The following HADH variants were observed in gnomAD, a reference collection of about 807,000 sequenced individuals.
HADH encodes hydroxyacyl-CoA dehydrogenase.
A neutral mutation model predicts 32.2 loss-of-function variants in HADH; 24 were observed. The ratio of observed to expected loss-of-function variants is 0.75; its 90% CI spans 0.54 to 1.05. The LOEUF (loss-of-function observed/expected upper bound fraction) is 1.05. Among genes scored for constraint, HADH ranks in the 50% least tolerant of loss-of-function variants. The pLI is 0.00. For synonymous variants in HADH, 139 were observed against 152.5 expected, an observed-to-expected ratio of 0.91 and a Z score of 0.65; for missense variants, 350 against 397.1, an observed-to-expected ratio of 0.88 and a Z score of 1.01.
At chr4:108,029,097 G>A in intron 6 of HADH, 1 of 388,792 alleles carries the variant, frequency 2.6e-6, no homozygotes. Flanking sequence ...GTTGCTGGGT[G>A]TCCTGCCTGG....
At chr4:108,004,524 G>A (rs1393836766) in intron 1 of HADH, 4 of 643,260 alleles carry the variant, frequency 6.2e-6, no homozygotes, top group African/African-American at 3.7e-5. Flanking sequence ...GAGAAACTTA[G>A]CACTTCTTGT....
At chr4:108,014,338 C>T (rs1735615747) in intron 2 of HADH, 93 bp from the exon 3 acceptor site, 1 of 1,398,656 alleles carries the variant, frequency 7.1e-7, no homozygotes. Context: ...GTGCTCTGAA[C>T]ACCCAGTTTG....
chr4:108,019,814 G>A, intron 4 of HADH, 148 bp downstream of exon 4: 3 of 854,992 alleles, frequency 3.5e-6, no homozygotes, highest in Non-Finnish European at 5.9e-6. Context: ...ATATCTAGGA[G>A]GGCTTCTATG....
At chr4:107,997,945 G>A (rs1735004957) in intron 1 of HADH, among the ~76,000 whole-genome samples, 1 of 152,152 alleles carries the variant, frequency 6.6e-6, no homozygotes, top group African/African-American at 2.4e-5. Context: ...TTGTTTCTCT[G>A]TAGTTATTTT....
intron 1 of HADH, among the ~76,000 whole-genome samples, chr4:108,000,154 A>G (rs925370539): frequency 3.9e-5 from 6 of 152,238 alleles, no homozygotes; most frequent in Admixed American, 1.3e-4. Context: ...TCTCCGTACT[A>G]TCTTGATTTC....
chr4:108,034,221 C>T lies in HADH; in HGVS notation c.827-18C>T, dbSNP rs369367048. 23 of 1,481,046 alleles carry T rather than the reference C, an allele frequency of 1.6e-5. No individual in the cohort carries two copies. Among genetic ancestry groups the T allele is most frequent in the Non-Finnish European group, 2.0e-5 (21 of 1,058,860 alleles). The allele number at this position is 1,481,046 out of a possible 1,614,324, so 91.7% of individuals were successfully genotyped here. A position where few individuals can be genotyped will look rare whatever the true frequency, so the allele number is the denominator to read the frequency against. On this transcript the variant is annotated intron_variant, in intron 7 of 7. Transcript: ENST00000309522. ...AACCCAGCACTTCATCCTGAGTTCTCTTCCCTCCGCTCAATAGGGTGGCAT... is the reference window on the plus strand; with the variant it reads ...AACCCAGCACTTCATCCTGAGTTCTTTTCCCTCCGCTCAATAGGGTGGCAT...
intron 6 of HADH, chr4:108,032,345 A>G (rs1736298803): frequency 6.2e-7 from 1 of 1,601,994 alleles, no homozygotes; most frequent in East Asian, 2.2e-5. Context: ...ACGTGTGGTG[A>G]TTCTAACTCG....
chr4:108,032,260 GGGCCAAA>G, intron 6 of HADH: 2 of 1,001,706 alleles, frequency 2.0e-6, no homozygotes, highest in Admixed American at 3.5e-5. Context: ...AGGCCTCTTG[GGGCCAAA>G]GGACATAGTA....
intron 1 of HADH, among the ~76,000 whole-genome samples, chr4:108,008,178 G>T (rs567512395): frequency 1.3e-5 from 2 of 152,196 alleles, no homozygotes; most frequent in Non-Finnish European, 2.9e-5. Context: ...GTTTTACTTT[G>T]CTGCCTGCCC....
intron 2 of HADH, among the ~76,000 whole-genome samples, chr4:108,013,034 G>A (rs140648935): frequency 9.3e-4 from 141 of 152,300 alleles, no homozygotes; most frequent in African/African-American, 3.3e-3. Context: ...CCGGGTTCAC[G>A]CCATTCTCCT....
rs748074306 is a variant in HADH, at chr4:108,033,187, A to G, written c.721A>G (p.Lys241Glu). The change falls in exon 7 of 8, where the codon AAA becomes GAA. Residue 241 changes from lysine (K) to glutamate (E), a missense_variant. Physicochemically the swap from Lys to Glu is moderately conservative, Grantham distance 56. Transcript: ENST00000309522. ...CGTTTTCTCCTTAGGTGACGCATCC[A>G]AAGAAGACATTGACACTGCTATGAA... Reference protein sequence around the residue: ...IRLYERGDASKEDIDTAMKLG... With the variant: ...IRLYERGDASEEDIDTAMKLG... 8 of 1,587,906 alleles carry G rather than the reference A, an allele frequency of 5.0e-6. No homozygotes were observed. Among genetic ancestry groups the G allele is most frequent in the Non-Finnish European group, 6.1e-6 (7 of 1,156,080 alleles).
At chr4:108,008,536 T>C (rs1735365366) in intron 1 of HADH, among the ~76,000 whole-genome samples, 1 of 152,234 alleles carries the variant, frequency 6.6e-6, no homozygotes, top group Admixed American at 6.5e-5. Flanking sequence ...TTTCTGTTTC[T>C]TTTACTCATT....
intron 2 of HADH, among the ~76,000 whole-genome samples, chr4:108,010,997 C>T (rs62311427): frequency 0.044 from 6,687 of 151,992 alleles, 161 homozygotes; most frequent in Non-Finnish European, 0.063. Flanking sequence ...TACAGGCGCA[C>T]GCCACCACGT....
chr4:107,993,747 T>A (rs1734879295), intron 1 of HADH, among the ~76,000 whole-genome samples: 4 of 152,188 alleles, frequency 2.6e-5, no homozygotes, highest in Admixed American at 1.3e-4. Context: ...AAACAAAAAA[T>A]CCCTTAGACT....
chr4:108,001,161 G>A (rs1204997239), intron 1 of HADH, among the ~76,000 whole-genome samples: 1 of 152,220 alleles, frequency 6.6e-6, no homozygotes, highest in Admixed American at 6.5e-5. Context: ...CTGGACAGCA[G>A]TTAATGGTTG....
intron 2 of HADH, among the ~76,000 whole-genome samples, chr4:108,010,631 GTAT>G (rs1735454459): frequency 6.6e-6 from 1 of 152,100 alleles, no homozygotes; most frequent in African/African-American, 2.4e-5. Flanking sequence ...ATCCAAGGTG[GTAT>G]ATCTAGATGC....
Position 108,034,683 on chromosome 4 carries a change from G to C in HADH, c.*326G>C. 1 of 362,226 alleles carries C rather than the reference G, an allele frequency of 2.8e-6. No homozygotes were observed. Among genetic ancestry groups the C allele is most frequent in the Non-Finnish European group, 5.4e-6 (1 of 185,600 alleles). The allele number at this position is 362,226 out of a possible 1,614,324, so 22.4% of individuals were successfully genotyped here. On this transcript the variant is annotated 3_prime_UTR_variant, in exon 8 of 8. Transcript: ENST00000309522. The stretch of plus-strand genomic sequence containing the variant: ...TGCCTAGATTCCTTCTCTCATCAAC[G>C]GGAAAGTACTTCCTCTGAGAGTGCG...
intron 7 of HADH, 42 bp from the exon 8 acceptor site, chr4:108,034,197 A>G (rs1736375456): frequency 7.8e-6 from 10 of 1,275,852 alleles, no homozygotes; most frequent in Non-Finnish European, 1.1e-5. Context: ...GTAAAAATAA[A>G]CCCAGCACTT....
chr4:108,004,127 A>G (rs1344583720), intron 1 of HADH, among the ~76,000 whole-genome samples: 1 of 152,206 alleles, frequency 6.6e-6, no homozygotes, highest in Non-Finnish European at 1.5e-5. Flanking sequence ...GACAGTGAGA[A>G]TAATGTGCCT....
Sources: allele counts gnomAD v4.1 joint callset (sites outside exome capture counted in the v4.1 genomes callset), GRCh38; gene constraint gnomAD v4.1.1; transcripts MANE v1.5; gene names NCBI Gene and HGNC (gene_info 2026-07-23, HGNC 2026-07-21).